Variants in VCAN observed in about 807,000 individuals in gnomAD.
The protein encoded by VCAN is versican core protein.
Under a neutral mutation model 245.5 loss-of-function variants are expected in VCAN, and 44 were observed. The ratio of observed to expected loss-of-function variants is 0.18; its 90% CI spans 0.14 to 0.23. The LOEUF is 0.23. Among genes scored for constraint, VCAN ranks in the 10% least tolerant of loss-of-function variants. The pLI is 1.00. For missense variants in VCAN, 3,793 were observed against 4,057.9 expected, an observed-to-expected ratio of 0.93 and a Z score of 1.77; for synonymous variants, 1,413 against 1,437.0, an observed-to-expected ratio of 0.98 and a Z score of 0.38.
rs160279 is a variant in VCAN at position 83,539,726 on chromosome 5, A to G, written c.6723A>G (p.Arg2241=). 782,988 of 1,613,372 alleles carry G rather than the reference A, an allele frequency of 0.49. 190,803 individuals are homozygous for G. The highest frequency in any genetic ancestry group is 0.52 in the Admixed American group (31,189 of 59,942). The part of the protein sequence containing the change: ...ESTKHFPKGM[R]PTIQESDTEL... ...CAAAACATTTTCCGAAAGGCATGAG[A>G]CCAACAATTCAAGAGTCAGATACTG... is the stretch of plus-strand genomic sequence containing the variant. Residue 2241 remains arginine (R), a synonymous_variant, in exon 8 of 15, where the codon AGA becomes AGG. Transcript: ENST00000265077.
chr5:83,475,392 G>C (rs193155544), intron 1 of VCAN, among the ~76,000 whole-genome samples: 18 of 152,318 alleles, frequency 1.2e-4, no homozygotes, highest in Non-Finnish European at 2.4e-4. Context: ...TAACAGCCAC[G>C]TCTTTTTCTT....
chr5:83,545,053 G>A (rs1580053013), intron 8 of VCAN: 1 of 199,064 alleles, frequency 5.0e-6, no homozygotes, highest in East Asian at 1.2e-4. Flanking sequence ...AAGAAAAACA[G>A]TTTCTGAGCA....
intron 12 of VCAN, among the ~76,000 whole-genome samples, chr5:83,559,452 G>A (rs1186265857): frequency 2.6e-5 from 4 of 152,092 alleles, no homozygotes; most frequent in Non-Finnish European, 5.9e-5. Context: ...CTGAGCTATA[G>A]CATCTCAAAA....
At position 83,581,682 on chromosome 5, in the gene VCAN, C is replaced by T. The variant is rs556082840; in HGVS notation, c.*1248C>T. On this transcript the variant is annotated 3_prime_UTR_variant, in exon 15 of 15. Coordinates refer to ENST00000265077, the MANE Select transcript of VCAN (RefSeq NM_004385.5). ...GTGTTTGCCCATTCTAAGAAATGAG[C>T]GAATATATAGAAATAGTGTGGGCAT... The T allele has an allele frequency of 3.3e-5, 5 of 152,194 alleles. No individual in the cohort carries two copies. Among genetic ancestry groups the T allele is most frequent in the South Asian group, 2.1e-4 (1 of 4,824 alleles). The allele number at this position is 152,194 out of a possible 1,614,324, so 9.4% of individuals were successfully genotyped here.
In VCAN at chr5:83,541,863, C is replaced by A; in HGVS notation, c.8860C>A (p.Pro2954Thr). 1 of 1,614,070 alleles carries A rather than the reference C, an allele frequency of 6.2e-7. No individual in the cohort carries two copies. The part of the protein sequence containing the change: ...AIKMFPTIKT[P>T]EAGTVITTAD... ...CAAGATGTTTCCCACCATTAAAACA[C>A]CTGAGGCTGGAACTGTTATTACAAC... Residue 2954 changes from proline to threonine, a missense_variant, in exon 8 of 15, where the codon CCT becomes ACT. By Grantham distance (38) the Pro-to-Thr change is conservative. Around this residue, in one of 5 missense-constraint regions of VCAN, gnomAD observed 3,182 missense variants for 3,250.3 expected, o/e 0.98. Coordinates refer to ENST00000265077, the MANE Select transcript of VCAN (RefSeq NM_004385.5).
At position 83,549,165 on chromosome 5, in the gene VCAN, A is replaced by G. The variant is rs1050574076; in HGVS notation, c.9493+1081A>G. 4.6e-5 allele frequency among the ~76,000 whole-genome samples: 7 copies of G among 152,340 alleles called. No individual in the cohort carries two copies. The South Asian group carries it at 1.5e-3, about 32-fold the overall frequency. On this transcript the variant is annotated intron_variant, in intron 10 of 14. Transcript: ENST00000265077. Reference sequence around the variant, plus strand: ...GAGACATTCCAATATGTTAAACATGATTCTGGCTTCTGTTAGTTCCAAGTA... The same window carrying G: ...GAGACATTCCAATATGTTAAACATGGTTCTGGCTTCTGTTAGTTCCAAGTA...
chr5:83,490,271 A>G lies in VCAN; in HGVS notation c.244A>G (p.Thr82Ala). 3 of 1,614,206 alleles carry G rather than the reference A, an allele frequency of 1.9e-6. No homozygotes were observed. Among genetic ancestry groups the G allele is most frequent in the Non-Finnish European group, 2.5e-6 (3 of 1,180,042 alleles). Reference protein sequence around the residue: ...DKNGKDLKETTVLVAQNGNIK... With the variant: ...DKNGKDLKETAVLVAQNGNIK... ...AAATGGAAAAGATTTGAAAGAGACT[A>G]CTGTCCTTGTGGCCCAAAATGGAAA... is the stretch of plus-strand genomic sequence containing the variant. Residue 82 changes from threonine to alanine, a missense_variant, in exon 3 of 15, where the codon ACT (threonine) becomes GCT (alanine). This residue lies in a region of VCAN where 179 missense variants were observed against 169.7 expected (regional missense o/e 1.05). Transcript: ENST00000265077.
Position 83,538,445 on chromosome 5 carries a change from A to C in VCAN, c.5442A>C (p.Gln1814His), listed in dbSNP as rs200930682. The change falls in exon 8 of 15, where the codon CAA becomes CAC. Residue 1814 changes from glutamine (Q) to histidine (H), a missense_variant. Transcript: ENST00000265077. Reference sequence around the variant, plus strand: ...CCACTGAGCACAGCAGTATCCATCAACCTGGGGTTCAGGAAGGGCTGACCA... The same window carrying C: ...CCACTGAGCACAGCAGTATCCATCACCCTGGGGTTCAGGAAGGGCTGACCA... Reference protein sequence around the residue: ...AQTTEHSSIHQPGVQEGLTTL... With the variant: ...AQTTEHSSIHHPGVQEGLTTL... The C allele has an allele frequency of 6.2e-7, 1 of 1,613,964 alleles. No homozygotes were observed. Among genetic ancestry groups the C allele is most frequent in the Admixed American group, 1.7e-5 (1 of 59,978 alleles).
chr5:83,514,399 T>C (rs778182548), intron 6 of VCAN, among the ~76,000 whole-genome samples: 3 of 151,934 alleles, frequency 2.0e-5, no homozygotes, highest in Non-Finnish European at 4.4e-5. Flanking sequence ...AAATTTCTAA[T>C]TTATTTTTCA....
At chr5:83,494,863 G>C (rs1745108243) in intron 5 of VCAN, among the ~76,000 whole-genome samples, 1 of 152,116 alleles carries the variant, frequency 6.6e-6, no homozygotes. Flanking sequence ...AGAGAAGTGT[G>C]GGGGTGGGGG....
chr5:83,495,909 A>AC (rs1307604094), intron 5 of VCAN, among the ~76,000 whole-genome samples: 6 of 151,584 alleles, frequency 4.0e-5, no homozygotes, highest in African/African-American at 9.7e-5. Context: ...AGCCCTAGAG[A>AC]CCCCCCGTGT....
chr5:83,532,914 CTG>C (rs1391779994), intron 7 of VCAN, among the ~76,000 whole-genome samples: 3 of 151,834 alleles, frequency 2.0e-5, no homozygotes, highest in Non-Finnish European at 2.9e-5. Context: ...AAAATTAAGA[CTG>C]TAGTTAATAA....
At chr5:83,545,973 A>T (rs1187852270) in intron 9 of VCAN, among the ~76,000 whole-genome samples, 1 of 152,176 alleles carries the variant, frequency 6.6e-6, no homozygotes, top group African/African-American at 2.4e-5. Context: ...TATAAATAAA[A>T]ATCAATTTCA....
At chr5:83,495,673 T>A (rs1222566981) in intron 5 of VCAN, among the ~76,000 whole-genome samples, 1 of 152,240 alleles carries the variant, frequency 6.6e-6, no homozygotes, top group Non-Finnish European at 1.5e-5. Flanking sequence ...TAGTGTAATA[T>A]CTACAAGGGT....
intron 12 of VCAN, among the ~76,000 whole-genome samples, chr5:83,559,926 A>G (rs985345046): frequency 6.6e-6 from 1 of 152,076 alleles, no homozygotes; most frequent in Non-Finnish European, 1.5e-5. Context: ...TTTTTTGCCT[A>G]AATTAAAGAT....
rs768373533 is a variant in VCAN, at chr5:83,545,695, A to T, written c.9379+45A>T. 17 of 1,397,628 alleles carry T rather than the reference A, an allele frequency of 1.2e-5. No individual in the cohort carries two copies. In the Admixed American group the frequency reaches 2.8e-4, roughly 23 times the overall value. 86.6% of individuals were successfully genotyped at this position (1,397,628 alleles called of 1,614,324 possible). A position where few individuals can be genotyped will look rare whatever the true frequency, so the allele number is the denominator to read the frequency against. On this transcript the variant is annotated intron_variant, in intron 9 of 14. Coordinates refer to ENST00000265077, the MANE Select transcript of VCAN (RefSeq NM_004385.5). Reference sequence around the variant, plus strand: ...AAAAGGTGCAGTTCTTTCACAGAAGATATATTGGGGGAGAATTTATGTTGT... The same window carrying T: ...AAAAGGTGCAGTTCTTTCACAGAAGTTATATTGGGGGAGAATTTATGTTGT...
intron 5 of VCAN, among the ~76,000 whole-genome samples, chr5:83,508,781 A>G (rs1348806098): frequency 2.0e-5 from 3 of 152,236 alleles, no homozygotes; most frequent in Non-Finnish European, 4.4e-5. Context: ...ATTACAAGAA[A>G]CCCAATGGTA....
intron 12 of VCAN, among the ~76,000 whole-genome samples, chr5:83,571,112 A>G (rs1443075306): frequency 2.0e-5 from 3 of 152,202 alleles, no homozygotes; most frequent in Non-Finnish European, 4.4e-5. Context: ...ATGATAAAGC[A>G]TGAGAGTAGC....
rs370521277 is a variant in VCAN, at chr5:83,580,400, G to A, written c.10157G>A (p.Arg3386His). ...NSINTSKHDH[R>H]WSRRWQESRR ...ATAAATACATCCAAACATGATCATC[G>A]TTGGAGCCGGAGGTGGCAGGAGTCG... is the stretch of plus-strand genomic sequence containing the variant. The change falls in exon 15 of 15, where the codon CGT becomes CAT. Residue 3386 changes from arginine to histidine, a missense_variant. Arg to His is a conservative substitution (Grantham distance 29, BLOSUM62 0). This residue lies in a region of VCAN where 37 missense variants were observed against 28.2 expected (regional missense o/e 1.31). Transcript: ENST00000265077. 4.3e-6 allele frequency: 7 copies of A among 1,613,810 alleles called. No individual in the cohort carries two copies. Among genetic ancestry groups the A allele is most frequent in the African/African-American group, 1.3e-5 (1 of 74,978 alleles).
Sources: gnomAD v4.1 joint callset for allele counts (sites outside exome capture counted in the v4.1 genomes callset) on GRCh38, gnomAD v4.1.1 for gene constraint, gnomAD v4.1.1 regional missense constraint, MANE v1.5 for transcripts, NCBI Gene and HGNC (gene_info 2026-07-23, HGNC 2026-07-21) for gene names.